SLC7A1: variants seen among roughly 807,000 people sequenced by gnomAD.
SLC7A1 encodes solute carrier family 7 member 1, also known as high affinity cationic amino acid transporter 1.
SLC7A1 carries 10 observed loss-of-function variants against 53.9 expected under a neutral mutation model. The ratio of observed to expected loss-of-function variants is 0.19; its 90% confidence interval spans 0.11 to 0.31. SLC7A1 has a LOEUF of 0.31. SLC7A1 is among the 10% of genes least tolerant of loss of function. The probability of loss-of-function intolerance (pLI) is 1.00; values close to 1 mark genes in which losing one functional copy is unlikely to be tolerated. For synonymous variants in SLC7A1, 342 were observed against 338.7 expected (o/e 1.01, Z -0.11); for missense variants, 525 against 827.2 (o/e 0.63, Z 4.48).
chr13:29,587,911 G>A (rs1178357920), intron 1 of SLC7A1, among the ~76,000 whole-genome samples: 3 of 152,178 alleles, frequency 2.0e-5, no homozygotes, highest in African/African-American at 7.2e-5. Flanking sequence ...GTGTGGCCAG[G>A]TCACCAGAGC....
chr13:29,556,994 T>C (rs1268166663), intron 1 of SLC7A1, among the ~76,000 whole-genome samples: 1 of 152,214 alleles, frequency 6.6e-6, no homozygotes, highest in Admixed American at 6.5e-5. Flanking sequence ...AGGCATGCCA[T>C]ATGTTAAGCC....
chr13:29,593,762 TC>T (rs1456976878), intron 1 of SLC7A1, among the ~76,000 whole-genome samples: 1 of 151,528 alleles, frequency 6.6e-6, no homozygotes, highest in Non-Finnish European at 1.5e-5. Flanking sequence ...TTCAAGCCTT[TC>T]TTTTTTTTTT....
At chr13:29,581,767 C>T (rs546571810) in intron 1 of SLC7A1, among the ~76,000 whole-genome samples, 1 of 152,354 alleles carries the variant, frequency 6.6e-6, no homozygotes, top group South Asian at 2.1e-4. Flanking sequence ...CTCCTGACAT[C>T]TGCCTCTTCC....
At chr13:29,521,662 G>T (rs140244299) in intron 8 of SLC7A1, among the ~76,000 whole-genome samples, 1 of 152,166 alleles carries the variant, frequency 6.6e-6, no homozygotes, top group African/African-American at 2.4e-5. Context: ...GTGTGCACAC[G>T]AGCTTCCTTG....
intron 5 of SLC7A1, among the ~76,000 whole-genome samples, chr13:29,529,071 G>C (rs1258798121): frequency 6.6e-6 from 1 of 152,148 alleles, no homozygotes; most frequent in African/African-American, 2.4e-5. Context: ...ATTTGGAATT[G>C]GCTTCACTCC....
intron 1 of SLC7A1, among the ~76,000 whole-genome samples, chr13:29,554,609 C>T (rs1376297437): frequency 6.6e-6 from 1 of 152,214 alleles, no homozygotes; most frequent in Non-Finnish European, 1.5e-5. Context: ...ACACTCTGCA[C>T]AGATTCTTGC....
chr13:29,555,980 C>T (rs550008839), intron 1 of SLC7A1, among the ~76,000 whole-genome samples: 21 of 152,244 alleles, frequency 1.4e-4, no homozygotes, highest in Admixed American at 1.2e-3. Context: ...AAGAGCTTAC[C>T]GAGATGGCTT....
chr13:29,573,054 T>A (rs1162359276), intron 1 of SLC7A1, among the ~76,000 whole-genome samples: 2 of 152,162 alleles, frequency 1.3e-5, no homozygotes, highest in Non-Finnish European at 2.9e-5. Context: ...CTGGAGAGAA[T>A]AATGTCACGA....
At chr13:29,547,170 T>G (rs1229240445) in intron 2 of SLC7A1, among the ~76,000 whole-genome samples, 1 of 152,024 alleles carries the variant, frequency 6.6e-6, no homozygotes, top group Non-Finnish European at 1.5e-5. Flanking sequence ...TATAAAAGAG[T>G]CATGAGTTAA....
rs930844409 is a variant in SLC7A1 at position 29,512,938 on chromosome 13, A to T, written c.*1542T>A. 2.0e-5 allele frequency: 3 copies of T among 152,258 alleles called. No individual in the cohort carries two copies. Among genetic ancestry groups the T allele is most frequent in the Non-Finnish European group, 4.4e-5 (3 of 68,060 alleles). The allele number at this position is 152,258 out of a possible 1,614,324, so 9.4% of individuals were successfully genotyped here. Reference sequence around the variant, plus strand: ...CCAGATTTGTGTCAAAGGCCAGACTAGGAAGAAATGGAAAGGAAACTAAGT... The same window carrying T: ...CCAGATTTGTGTCAAAGGCCAGACTTGGAAGAAATGGAAAGGAAACTAAGT... On this transcript the variant is annotated 3_prime_UTR_variant, in exon 13 of 13. Coordinates refer to ENST00000380752, the MANE Select transcript of SLC7A1 (RefSeq NM_003045.5).
intron 2 of SLC7A1, among the ~76,000 whole-genome samples, chr13:29,546,025 G>GTATCC (rs533734480): frequency 2.1e-3 from 322 of 152,326 alleles, no homozygotes; most frequent in African/African-American, 6.2e-3. Context: ...ACAAAAACAG[G>GTATCC]TATCCTATCC....
At chr13:29,517,537 C>T in intron 10 of SLC7A1, 36 bp downstream of exon 10, 1 of 1,548,412 alleles carries the variant, frequency 6.5e-7, no homozygotes, top group South Asian at 1.1e-5. Flanking sequence ...CATGCAATGC[C>T]AACAAGCAAG....
In SLC7A1 at chr13:29,555,661, GA is replaced by G. The variant is rs1197518722; in HGVS notation, c.-114-1802del. Among the ~76,000 whole-genome samples the G allele has an allele frequency of 1.2e-4, 18 of 147,304 alleles. No homozygotes were observed. In the South Asian group the frequency reaches 4.0e-3, roughly 33 times the overall value. ...TTCGTAGTTTAAAAAGTTAACTCTG[GA>G]AAAAAAAAGGGGGGGCGGGCAGAAT... On this transcript the variant is annotated intron_variant, in intron 1 of 12. Coordinates refer to ENST00000380752, the MANE Select transcript of SLC7A1 (RefSeq NM_003045.5).
At chr13:29,521,085 T>C (rs1868612483) in intron 8 of SLC7A1, among the ~76,000 whole-genome samples, 1 of 152,224 alleles carries the variant, frequency 6.6e-6, no homozygotes, top group African/African-American at 2.4e-5. Context: ...ACAATGACTA[T>C]TTCCAAGTCC....
At chr13:29,570,611 G>T (rs1165626300) in intron 1 of SLC7A1, among the ~76,000 whole-genome samples, 1 of 152,202 alleles carries the variant, frequency 6.6e-6, no homozygotes, top group African/African-American at 2.4e-5. Flanking sequence ...ACTTTGGGAG[G>T]CCAAGTCAGG....
intron 1 of SLC7A1, among the ~76,000 whole-genome samples, chr13:29,574,861 G>A (rs557411096): frequency 3.9e-5 from 6 of 152,174 alleles, no homozygotes; most frequent in Non-Finnish European, 8.8e-5. Context: ...GGCCAGGATG[G>A]TCTCGATCTC....
intron 1 of SLC7A1, among the ~76,000 whole-genome samples, chr13:29,589,348 G>T (rs1872010310): frequency 6.6e-6 from 1 of 151,550 alleles, no homozygotes; most frequent in African/African-American, 2.4e-5. Flanking sequence ...TGTGGGCGTG[G>T]CTGGATGGTG....
intron 2 of SLC7A1, among the ~76,000 whole-genome samples, chr13:29,544,319 T>C (rs1300339034): frequency 6.6e-6 from 1 of 152,254 alleles, no homozygotes; most frequent in Non-Finnish European, 1.5e-5. Flanking sequence ...ATTATACGCA[T>C]GTTTTTGTTG....
chr13:29,587,578 A>T (rs1420628224), intron 1 of SLC7A1, among the ~76,000 whole-genome samples: 1 of 152,238 alleles, frequency 6.6e-6, no homozygotes, highest in Non-Finnish European at 1.5e-5. Flanking sequence ...ATCACGCTCC[A>T]GGCCCCATCC....
Sources: gnomAD v4.1 joint callset for allele counts (sites outside exome capture counted in the v4.1 genomes callset) on GRCh38, gnomAD v4.1.1 for gene constraint, MANE v1.5 for transcripts, NCBI Gene and HGNC (gene_info 2026-07-23, HGNC 2026-07-21) for gene names.